PIGN: variants seen among roughly 807,000 people sequenced by gnomAD.
The protein encoded by PIGN is GPI ethanolamine phosphate transferase 1.
Under a neutral mutation model 125.4 loss-of-function variants are expected in PIGN, and 117 were observed. The observed-to-expected ratio is 0.93, with a 90% CI of 0.80 to 1.09. The LOEUF (loss-of-function observed/expected upper bound fraction) is 1.09. Among genes scored for constraint, PIGN ranks in the 50% least tolerant of loss-of-function variants. The pLI is 0.00. For synonymous variants in PIGN, 392 were observed against 377.8 expected (o/e 1.04, Z -0.44); for missense variants, 1,075 against 1,094.9 (o/e 0.98, Z 0.26).
chr18:62,156,198 A>C (rs1240819332), intron 6 of PIGN, among the ~76,000 whole-genome samples: 1 of 152,216 alleles, frequency 6.6e-6, no homozygotes, highest in Non-Finnish European at 1.5e-5. Context: ...TAAACAATAA[A>C]TCTAAATGCT....
At chr18:62,169,312 T>C (rs1288846506) in intron 1 of PIGN, among the ~76,000 whole-genome samples, 1 of 152,362 alleles carries the variant, frequency 6.6e-6, no homozygotes, top group Non-Finnish European at 1.5e-5. Flanking sequence ...CATTATTCCA[T>C]TGCACAGATA....
At position 62,115,911 on chromosome 18, in the gene PIGN, G is replaced by A. The variant is rs141531449; in HGVS notation, c.1173-1272C>T. On this transcript the variant is annotated intron_variant, in intron 14 of 30. Transcript: ENST00000640252. ...GAGGATCACTAGAGGTCAGGCATTC[G>A]AGACCAGCTTGGGCAACAAAGCAAG... 7.8e-4 allele frequency among the ~76,000 whole-genome samples: 119 copies of A among 152,112 alleles called. No homozygotes were observed. In the East Asian group the frequency reaches 0.02, roughly 26 times the overall value.
intron 25 of PIGN, among the ~76,000 whole-genome samples, chr18:62,087,011 T>C (rs1167042156): frequency 6.6e-6 from 1 of 152,114 alleles, no homozygotes; most frequent in Non-Finnish European, 1.5e-5. Flanking sequence ...GGGACACATA[T>C]TTGGTGATGC....
intron 15 of PIGN, 41 bp downstream of exon 15, chr18:62,114,520 T>A (rs1358568875): frequency 1.6e-6 from 2 of 1,235,342 alleles, no homozygotes; most frequent in Admixed American, 4.0e-5. Context: ...ATCCCCAAAA[T>A]GATAATCAGC....
At chr18:62,118,808 G>A in intron 14 of PIGN, among the ~76,000 whole-genome samples, 1 of 145,900 alleles carries the variant, frequency 6.9e-6, no homozygotes. Context: ...TTATAAGAAA[G>A]AAATATTATA....
intron 1 of PIGN, among the ~76,000 whole-genome samples, chr18:62,182,032 T>A (rs1236879544): frequency 6.6e-6 from 1 of 152,208 alleles, no homozygotes; most frequent in African/African-American, 2.4e-5. Flanking sequence ...GGCTGCCTTC[T>A]CCTTTTTAAT....
intron 1 of PIGN, among the ~76,000 whole-genome samples, chr18:62,185,429 T>A (rs2037880297): frequency 6.6e-6 from 1 of 152,178 alleles, no homozygotes; most frequent in South Asian, 2.1e-4. Context: ...TTTAAACTTC[T>A]AGCAAAAATA....
intron 16 of PIGN, among the ~76,000 whole-genome samples, chr18:62,111,424 GACTT>G (rs1283823685): frequency 1.3e-5 from 2 of 152,004 alleles, no homozygotes; most frequent in Non-Finnish European, 2.9e-5. Context: ...CTCCCACCAA[GACTT>G]ACTTTTTCCT....
At chr18:62,100,395 G>A (rs1218773280) in intron 22 of PIGN, among the ~76,000 whole-genome samples, 3 of 152,302 alleles carry the variant, frequency 2.0e-5, no homozygotes, top group East Asian at 3.9e-4. Flanking sequence ...AGCCATTCAT[G>A]AGGGGTGGGC....
At chr18:62,049,338 G>T (rs868246672) in intron 30 of PIGN, among the ~76,000 whole-genome samples, 1 of 149,194 alleles carries the variant, frequency 6.7e-6, no homozygotes, top group Non-Finnish European at 1.5e-5. Context: ...AAGTGTTCCT[G>T]TTTCTCCACA....
chr18:62,029,836 T>G (rs148766081), intron 23 of PIGN, among the ~76,000 whole-genome samples: 1 of 152,312 alleles, frequency 6.6e-6, no homozygotes, highest in African/African-American at 2.4e-5. Context: ...GTCAAACTCA[T>G]AAAACCAGAT....
chr18:62,044,262 T>C lies in PIGN; in HGVS notation c.*1594A>G, dbSNP rs1323439300. On this transcript the variant is annotated 3_prime_UTR_variant, in exon 31 of 31. Coordinates refer to ENST00000640252, the MANE Select transcript of PIGN (RefSeq NM_176787.5). ...AATAAAATATTTATTAATTTCTCTTTATAAAAATTTGGGAAAAGATAAAAG... is the reference window on the plus strand; with the variant it reads ...AATAAAATATTTATTAATTTCTCTTCATAAAAATTTGGGAAAAGATAAAAG... 2 of 152,210 alleles carry C rather than the reference T, an allele frequency of 1.3e-5. No individual in the cohort carries two copies. Among genetic ancestry groups the C allele is most frequent in the African/African-American group, 4.8e-5 (2 of 41,454 alleles). The allele number at this position is 152,210 out of a possible 1,614,324, so 9.4% of individuals were successfully genotyped here. A position where few individuals can be genotyped will look rare whatever the true frequency, so the allele number is the denominator to read the frequency against.
chr18:62,174,140 G>C (rs2037437379), intron 1 of PIGN, among the ~76,000 whole-genome samples: 1 of 151,748 alleles, frequency 6.6e-6, no homozygotes, highest in South Asian at 2.1e-4. Flanking sequence ...CTTGAATCTG[G>C]GAGGCGGAGT....
intron 30 of PIGN, among the ~76,000 whole-genome samples, chr18:62,058,176 T>C (rs192511211): frequency 6.6e-6 from 1 of 152,312 alleles, no homozygotes; most frequent in East Asian, 1.9e-4. Context: ...TCTTCCTCAC[T>C]CTCCCTGGAC....
chr18:62,110,552 T>G (rs1380092135), intron 16 of PIGN, among the ~76,000 whole-genome samples: 1 of 152,122 alleles, frequency 6.6e-6, no homozygotes, highest in Admixed American at 6.6e-5. Context: ...GGACTTTAAG[T>G]ACAGGAGATT....
intron 30 of PIGN, chr18:62,059,172 A>C (rs1006359852): frequency 4.6e-5 from 2 of 43,126 alleles, no homozygotes; most frequent in Non-Finnish European, 8.4e-5. Context: ...ACCCTGTCTC[A>C]AAAAAAAAAA....
chr18:62,084,705 AC>A (rs2033609845), intron 26 of PIGN, 99 bp from the exon 27 acceptor site: 1 of 797,362 alleles, frequency 1.3e-6, no homozygotes, highest in Non-Finnish European at 2.1e-6. Flanking sequence ...TCTGAAATCT[AC>A]TTACTAAAAC....
chr18:62,096,552 C>CT (rs1169980259), intron 22 of PIGN, among the ~76,000 whole-genome samples: 3 of 56,932 alleles, frequency 5.3e-5, no homozygotes, highest in Admixed American at 5.5e-4. Flanking sequence ...TTATTATACT[C>CT]TAAGTTTTAG....
At chr18:62,140,801 T>C (rs752046183) in intron 11 of PIGN, among the ~76,000 whole-genome samples, 2 of 152,202 alleles carry the variant, frequency 1.3e-5, no homozygotes, top group Non-Finnish European at 2.9e-5. Flanking sequence ...GGATGCCTTA[T>C]TTAGACATAA....
Sources: gnomAD v4.1 joint callset for allele counts (sites outside exome capture counted in the v4.1 genomes callset) on GRCh38, gnomAD v4.1.1 for gene constraint, MANE v1.5 for transcripts, NCBI Gene and HGNC (gene_info 2026-07-23, HGNC 2026-07-21) for gene names.